The following AOC3 variants were observed in gnomAD, a reference collection of about 807,000 sequenced individuals.
AOC3 encodes the protein amine oxidase [copper-containing] 3.
AOC3 carries 47 observed loss-of-function variants against 55.4 expected under a neutral mutation model. The observed-to-expected ratio is 0.85, with a 90% CI of 0.67 to 1.08. AOC3 has a LOEUF of 1.08. Ranked by LOEUF, AOC3 falls within the 50% of genes least tolerant of loss-of-function variation. AOC3 has a pLI of 0.00. For synonymous variants in AOC3, 386 were observed against 410.7 expected (o/e 0.94, Z 0.73); for missense variants, 853 against 993.1 (o/e 0.86, Z 1.90).
In AOC3 at chr17:42,851,432, G is replaced by A. The variant is rs1317314163; in HGVS notation, c.89G>A (p.Gly30Glu). The A allele has an allele frequency of 1.2e-6, 2 of 1,614,224 alleles. No individual in the cohort carries two copies. The highest frequency in any genetic ancestry group is 4.5e-5 in the East Asian group (2 of 44,884). The stretch of plus-strand genomic sequence containing the variant: ...TGTGTCCTGCTGGTGGGCAGGGGTG[G>A]AGATGGGGGTGAACCCAGCCAGCTT... ...LVCVLLVGRGGDGGEPSQLPH... is the reference protein window; with the variant it reads ...LVCVLLVGRGEDGGEPSQLPH... The change falls in exon 1 of 4, where the codon GGA becomes GAA. Residue 30 changes from glycine (G) to glutamate (E), a missense_variant. By Grantham distance (98) the Gly-to-Glu change is moderately conservative. Transcript: ENST00000308423.
intron 1 of AOC3, among the ~76,000 whole-genome samples, chr17:42,853,847 C>T (rs770864744): frequency 1.4e-4 from 22 of 152,240 alleles, no homozygotes; most frequent in Admixed American, 4.6e-4. Context: ...CTTTCCTTCA[C>T]GGTGCAGCTC....
chr17:42,854,485 T>C lies in AOC3; in HGVS notation c.1638T>C (p.Phe546=). Residue 546 remains phenylalanine (F), a synonymous_variant, in exon 2 of 4, where the codon TTT becomes TTC. Coordinates refer to ENST00000308423, the MANE Select transcript of AOC3 (RefSeq NM_003734.4). The part of the protein sequence containing the change: ...ENWVWAEDMV[F]VPMAVPWSPE... The stretch of plus-strand genomic sequence containing the variant: ...GGGTCTGGGCCGAGGATATGGTCTT[T>C]GTCCCCATGGCTGTGCCCTGGAGCC... 6.3e-7 allele frequency: 1 copy of C among 1,585,796 alleles called. No individual in the cohort carries two copies.
chr17:42,851,341 A>C lies in AOC3; in HGVS notation c.-3A>C. 1 of 1,586,852 alleles carries C rather than the reference A, an allele frequency of 6.3e-7. No homozygotes were observed. The highest frequency in any genetic ancestry group is 1.2e-5 in the South Asian group (1 of 86,490). On this transcript the variant is annotated 5_prime_UTR_variant, in exon 1 of 4. Coordinates refer to ENST00000308423, the MANE Select transcript of AOC3 (RefSeq NM_003734.4). ...TGAATCAGCTGTCCCTCTTCGTGGG[A>C]AAATGAACCAGAAGACAATCCTCGT...
Position 42,851,340 on chromosome 17 carries a change from GA to G in AOC3, c.1del. ...TTGAATCAGCTGTCCCTCTTCGTGG[GA>G]AAATGAACCAGAAGACAATCCTCGT... On this transcript the variant is annotated 5_prime_UTR_variant, in exon 1 of 4. Coordinates refer to ENST00000308423, the MANE Select transcript of AOC3 (RefSeq NM_003734.4). 6.3e-7 allele frequency: 1 copy of G among 1,587,340 alleles called. No individual in the cohort carries two copies. Among genetic ancestry groups the G allele is most frequent in the Non-Finnish European group, 8.6e-7 (1 of 1,165,176 alleles).
intron 1 of AOC3, 145 bp downstream of exon 1, chr17:42,853,088 G>A: frequency 7.5e-7 from 1 of 1,339,542 alleles, no homozygotes; most frequent in Non-Finnish European, 9.9e-7. Flanking sequence ...AGAGTTGGCT[G>A]CTGAGTTTTA....
At position 42,852,168 on chromosome 17, in the gene AOC3, C is replaced by T. The variant is rs2055679616; in HGVS notation, c.825C>T (p.Ala275=). ...AAGGCCGCTACTACGACAGCCTGGC[C>T]CAGCTGGAGGCCCAGTTTGAGGCCG... ...FYQGRYYDSL[A]QLEAQFEAGL... The change falls in exon 1 of 4, where the codon GCC becomes GCT. Residue 275 remains alanine, a synonymous_variant. Coordinates refer to ENST00000308423, the MANE Select transcript of AOC3 (RefSeq NM_003734.4). The T allele has an allele frequency of 1.9e-6, 3 of 1,613,904 alleles. No individual in the cohort carries two copies. Among genetic ancestry groups the T allele is most frequent in the Non-Finnish European group, 2.5e-6 (3 of 1,179,850 alleles).
Position 42,852,672 on chromosome 17 carries a change from C to G in AOC3, c.1329C>G (p.His443Gln), listed in dbSNP as rs1226825696. The change falls in exon 1 of 4, where the codon CAC becomes CAG. Residue 443 changes from histidine (H) to glutamine (Q), a missense_variant. His to Gln is a conservative substitution (Grantham distance 24). Transcript: ENST00000308423. ...EQNQGLPLRR[H>Q]HSDLYSHYFG... ...ACCAGGGCCTCCCCCTGCGGCGACACCACTCAGATCTCTACTCGCACTACT... is the reference window on the plus strand; with the variant it reads ...ACCAGGGCCTCCCCCTGCGGCGACAGCACTCAGATCTCTACTCGCACTACT... The G allele has an allele frequency of 6.2e-7, 1 of 1,614,216 alleles. No individual in the cohort carries two copies.
In AOC3 at chr17:42,854,617, C is replaced by G. The variant is rs150463512; in HGVS notation, c.1770C>G (p.Ala590=). The part of the protein sequence containing the change: ...GSATPRYLYL[A]SNHSNKWGHP... ...CCACCCCTCGCTACCTGTACCTGGC[C>G]AGCAACCACAGCAACAAGTGGGGTC... The change falls in exon 2 of 4, where the codon GCC becomes GCG. Residue 590 remains alanine (A), a synonymous_variant. Transcript: ENST00000308423. 6.3e-6 allele frequency: 10 copies of G among 1,592,228 alleles called. No individual in the cohort carries two copies. Among genetic ancestry groups the G allele is most frequent in the South Asian group, 5.6e-5 (5 of 88,644 alleles).
intron 3 of AOC3, 22 bp downstream of exon 3, chr17:42,855,595 G>A (rs779811575): frequency 4.3e-6 from 7 of 1,614,106 alleles, no homozygotes; most frequent in Admixed American, 1.7e-5. Flanking sequence ...GGGGTAGAGG[G>A]TACAGGATGA....
In AOC3 at chr17:42,856,687, G is replaced by T. The variant is rs955830102; in HGVS notation, c.*137G>T. 9 of 1,045,884 alleles carry T rather than the reference G, an allele frequency of 8.6e-6. No individual in the cohort carries two copies. Among genetic ancestry groups the T allele is most frequent in the African/African-American group, 3.2e-5 (2 of 62,706 alleles). 64.8% of individuals were successfully genotyped at this position (1,045,884 alleles called of 1,614,324 possible). A position where few individuals can be genotyped will look rare whatever the true frequency, so the allele number is the denominator to read the frequency against. ...TCTCTTTCTTCCACTACCCTCCCTC[G>T]CATCCGCCTCTGAGCCAGGAGCCTC... is the stretch of plus-strand genomic sequence containing the variant. On this transcript the variant is annotated 3_prime_UTR_variant, in exon 4 of 4. Transcript: ENST00000308423.
chr17:42,854,817 A>T, intron 2 of AOC3, 84 bp downstream of exon 2: 264 of 938,734 alleles, frequency 2.8e-4, no homozygotes, highest in Non-Finnish European at 3.4e-4. Flanking sequence ...ACTGTAGGTG[A>T]GGGGAGAGCT....
At position 42,854,688 on chromosome 17, in the gene AOC3, C is replaced by A. The variant is rs144569700; in HGVS notation, c.1841C>A (p.Pro614Gln). The change falls in exon 2 of 4, where the codon CCG becomes CAG. Residue 614 changes from proline to glutamine, a missense_variant. By Grantham distance (76) the Pro-to-Gln change is moderately conservative. Transcript: ENST00000308423. ...RIQMLSFAGEPLPQNSSMARG... is the reference protein window; with the variant it reads ...RIQMLSFAGEQLPQNSSMARG... Reference sequence around the variant, plus strand: ...CAGATGCTCAGCTTTGCTGGAGAGCCGCTGCCCCAAAACAGCTCCATGGCG... The same window carrying A: ...CAGATGCTCAGCTTTGCTGGAGAGCAGCTGCCCCAAAACAGCTCCATGGCG... The A allele has an allele frequency of 6.6e-7, 1 of 1,513,560 alleles. No homozygotes were observed. The highest frequency in any genetic ancestry group is 8.9e-7 in the Non-Finnish European group (1 of 1,125,352). The allele number at this position is 1,513,560 out of a possible 1,614,324, so 93.8% of individuals were successfully genotyped here.
chr17:42,856,244 C>A (rs765805585), intron 3 of AOC3, 31 bp from the exon 4 acceptor site: 14 of 1,607,412 alleles, frequency 8.7e-6, no homozygotes, highest in Non-Finnish European at 1.2e-5. Context: ...CAAAGCCAGA[C>A]CTCGTGATCC....
intron 3 of AOC3, 76 bp from the exon 4 acceptor site, chr17:42,856,199 T>C (rs2055745537): frequency 6.4e-7 from 1 of 1,550,402 alleles, no homozygotes; most frequent in Non-Finnish European, 8.8e-7. Context: ...ATCCTTGGGC[T>C]GGTGAGCTGA....
chr17:42,851,466 C>T lies in AOC3; in HGVS notation c.123C>T (p.Cys41=), dbSNP rs138427879. The change falls in exon 1 of 4, where the codon TGC becomes TGT. Residue 41 remains cysteine, a synonymous_variant. Coordinates refer to ENST00000308423, the MANE Select transcript of AOC3 (RefSeq NM_003734.4). ...DGGEPSQLPH[C]PSVSPSAQPW... ...GTGAACCCAGCCAGCTTCCCCATTG[C>T]CCCTCTGTATCTCCCAGTGCCCAGC... The T allele has an allele frequency of 7.4e-6, 12 of 1,614,106 alleles. No homozygotes were observed. The African/African-American group carries it at 1.5e-4, about 20-fold the overall frequency.
In AOC3 at chr17:42,853,400, T is replaced by C. The variant is rs1023456922; in HGVS notation, c.1600+457T>C. 5 of 997,094 alleles carry C rather than the reference T, an allele frequency of 5.0e-6. No individual in the cohort carries two copies. The Admixed American group carries it at 2.7e-4, about 53-fold the overall frequency. 61.8% of individuals were successfully genotyped at this position (997,094 alleles called of 1,614,324 possible). A position where few individuals can be genotyped will look rare whatever the true frequency, so the allele number is the denominator to read the frequency against. ...CCAGGTTGTACATTTCCTTTGGAGA[T>C]GGACCCTCCTCCCTGATTTTCCTTC... On this transcript the variant is annotated intron_variant, in intron 1 of 3. Coordinates refer to ENST00000308423, the MANE Select transcript of AOC3 (RefSeq NM_003734.4).
chr17:42,851,924 T>C lies in AOC3; in HGVS notation c.581T>C (p.Leu194Pro). The change falls in exon 1 of 4, where the codon CTT becomes CCT. Residue 194 changes from leucine (L) to proline (P), a missense_variant. Physicochemically the swap from Leu to Pro is moderately conservative, Grantham distance 98. Transcript: ENST00000308423. ...FNRELPQASGLLHHCCFYKHR... is the reference protein window; with the variant it reads ...FNRELPQASGPLHHCCFYKHR... ...AGAGAGCTGCCCCAGGCTTCTGGGC[T>C]TCTCCACCACTGTTGCTTCTACAAG... The C allele has an allele frequency of 6.2e-7, 1 of 1,613,790 alleles. No individual in the cohort carries two copies. Among genetic ancestry groups the C allele is most frequent in the African/African-American group, 1.3e-5 (1 of 75,054 alleles).
Position 42,856,471 on chromosome 17 carries a change from C to T in AOC3, c.2213C>T (p.Pro738Leu). 1 of 1,612,650 alleles carries T rather than the reference C, an allele frequency of 6.2e-7. No individual in the cohort carries two copies. ...DQDAGACEVN[P>L]LACLPQAAAC... ...GATGCTGGGGCCTGCGAGGTCAACC[C>T]CCTAGCTTGCCTGCCCCAGGCTGCT... Residue 738 changes from proline (P) to leucine (L), a missense_variant, in exon 4 of 4, where the codon CCC (proline) becomes CTC (leucine). Physicochemically the swap from Pro to Leu is moderately conservative, Grantham distance 98 (BLOSUM62 -3). Coordinates refer to ENST00000308423, the MANE Select transcript of AOC3 (RefSeq NM_003734.4).
At position 42,851,505 on chromosome 17, in the gene AOC3, T is replaced by G. The variant is rs189410619; in HGVS notation, c.162T>G (p.Pro54=). ...VSPSAQPWTH[P]GQSQLFADLS... ...CCAGTGCCCAGCCTTGGACACACCCTGGCCAGAGCCAGCTGTTTGCAGACC... is the reference window on the plus strand; with the variant it reads ...CCAGTGCCCAGCCTTGGACACACCCGGGCCAGAGCCAGCTGTTTGCAGACC... Residue 54 remains proline (P), a synonymous_variant, in exon 1 of 4, where the codon CCT becomes CCG. Transcript: ENST00000308423. 6.2e-7 allele frequency: 1 copy of G among 1,614,212 alleles called. No homozygotes were observed. The highest frequency in any genetic ancestry group is 1.1e-5 in the South Asian group (1 of 91,086).
Sources: gnomAD v4.1 joint callset for allele counts (sites outside exome capture counted in the v4.1 genomes callset) on GRCh38, gnomAD v4.1.1 for gene constraint, MANE v1.5 for transcripts, NCBI Gene and HGNC (gene_info 2026-07-23, HGNC 2026-07-21) for gene names.